Variants in GPC6 observed in about 807,000 individuals in gnomAD.
GPC6 encodes the protein glypican-6.
Under a neutral mutation model 55.2 loss-of-function variants are expected in GPC6, and 14 were observed. The ratio of observed to expected loss-of-function variants is 0.25; its 90% CI spans 0.17 to 0.40. The LOEUF (loss-of-function observed/expected upper bound fraction) is 0.40, where lower values mean the gene tolerates loss of function less well. GPC6 is among the 10% of genes least tolerant of loss of function. The probability of loss-of-function intolerance (pLI) is 1.00; values close to 1 mark genes in which losing one functional copy is unlikely to be tolerated. For missense variants in GPC6, 641 were observed against 708.5 expected, an observed-to-expected ratio of 0.90 and a Z score of 1.08; for synonymous variants, 278 against 259.6, an observed-to-expected ratio of 1.07 and a Z score of -0.68.
chr13:93,523,087 TG>T (rs1226429606), intron 1 of GPC6, among the ~76,000 whole-genome samples: 1 of 150,596 alleles, frequency 6.6e-6, no homozygotes, highest in Non-Finnish European at 1.5e-5. Flanking sequence ...GTGTGTAACA[TG>T]GTGTATGACA....
At chr13:93,626,313 G>T (rs543235068) in intron 2 of GPC6, among the ~76,000 whole-genome samples, 7 of 152,272 alleles carry the variant, frequency 4.6e-5, no homozygotes, top group South Asian at 2.1e-4. Flanking sequence ...AACCAAGTTT[G>T]GTGTCCTCCT....
At chr13:93,338,899 G>A (rs1184770947) in intron 1 of GPC6, among the ~76,000 whole-genome samples, 7 of 152,266 alleles carry the variant, frequency 4.6e-5, no homozygotes, top group East Asian at 1.9e-4. Flanking sequence ...TTGATGTGGA[G>A]GTGGTGTTGA....
chr13:93,938,187 T>C (rs1878538521), intron 3 of GPC6, among the ~76,000 whole-genome samples: 1 of 152,144 alleles, frequency 6.6e-6, no homozygotes, highest in Admixed American at 6.5e-5. Context: ...TTTTTCCTGA[T>C]AATAGTCAAA....
At chr13:93,996,053 A>G (rs1881538279) in intron 3 of GPC6, among the ~76,000 whole-genome samples, 1 of 152,238 alleles carries the variant, frequency 6.6e-6, no homozygotes, top group South Asian at 2.1e-4. Context: ...TTTAATCAAT[A>G]CATTGAAATT....
chr13:93,419,537 A>C (rs888006902), intron 1 of GPC6, among the ~76,000 whole-genome samples: 5 of 152,090 alleles, frequency 3.3e-5, no homozygotes, highest in Non-Finnish European at 4.4e-5. Flanking sequence ...TTGGAATATT[A>C]TTTGAAGTGA....
chr13:93,908,915 T>A (rs1262083622), intron 3 of GPC6, among the ~76,000 whole-genome samples: 2 of 151,672 alleles, frequency 1.3e-5, no homozygotes, highest in Admixed American at 1.3e-4. Flanking sequence ...AGAGGAGGCT[T>A]CCTGACTCTG....
chr13:93,848,140 C>G (rs1283657009), intron 3 of GPC6, among the ~76,000 whole-genome samples: 1 of 152,096 alleles, frequency 6.6e-6, no homozygotes, highest in Non-Finnish European at 1.5e-5. Context: ...AGTCAAAAAT[C>G]TTTTTGAGAG....
intron 3 of GPC6, among the ~76,000 whole-genome samples, chr13:93,912,918 T>C (rs1033385084): frequency 6.6e-6 from 1 of 152,168 alleles, no homozygotes. Flanking sequence ...TGTATCACTT[T>C]AGTCTCTACC....
At chr13:94,141,205 G>A (rs1054808838) in intron 4 of GPC6, among the ~76,000 whole-genome samples, 3 of 152,084 alleles carry the variant, frequency 2.0e-5, no homozygotes, top group Non-Finnish European at 2.9e-5. Context: ...CATTGGTATC[G>A]CCCAAAAAGG....
chr13:93,924,421 C>T lies in GPC6; in HGVS notation c.711+93876C>T, dbSNP rs572294810. ...ACCATGTTTATGGTGTTTTAACAAA[C>T]ATTTTATGCTAAGGAAAAGGAAACC... On this transcript the variant is annotated intron_variant, in intron 3 of 8. Transcript: ENST00000377047. 9.2e-5 allele frequency among the ~76,000 whole-genome samples: 14 copies of T among 152,314 alleles called. No homozygotes were observed. In the East Asian group the frequency reaches 1.7e-3, roughly 19 times the overall value.
chr13:93,667,735 G>GTTTTTT (rs71126408), intron 2 of GPC6, among the ~76,000 whole-genome samples: 2 of 123,168 alleles, frequency 1.6e-5, no homozygotes, highest in African/African-American at 7.4e-5. Flanking sequence ...GCCAGGACTT[G>GTTTTTT]TTTTTTTTTT....
intron 4 of GPC6, among the ~76,000 whole-genome samples, chr13:94,054,851 C>A (rs889255391): frequency 3.9e-5 from 6 of 152,084 alleles, no homozygotes; most frequent in African/African-American, 1.4e-4. Context: ...GCAAGTACTT[C>A]TTGTATGCTC....
chr13:93,605,673 C>T (rs1386297542), intron 2 of GPC6, among the ~76,000 whole-genome samples: 2 of 134,748 alleles, frequency 1.5e-5, no homozygotes, highest in Non-Finnish European at 3.1e-5. Flanking sequence ...CCTGTCTCTA[C>T]AAAAATGCAA....
chr13:93,650,453 C>T (rs1880359049), intron 2 of GPC6, among the ~76,000 whole-genome samples: 1 of 151,888 alleles, frequency 6.6e-6, no homozygotes, highest in South Asian at 2.1e-4. Flanking sequence ...TCACTGTAAT[C>T]ATGCTCCCCA....
intron 2 of GPC6, among the ~76,000 whole-genome samples, chr13:93,715,331 C>T (rs1438047650): frequency 5.3e-5 from 8 of 151,590 alleles, no homozygotes; most frequent in Admixed American, 5.3e-4. Flanking sequence ...GAGCTGAAGG[C>T]CATTATCCTA....
intron 1 of GPC6, among the ~76,000 whole-genome samples, chr13:93,292,852 T>C (rs1305442292): frequency 4.6e-5 from 7 of 152,230 alleles, no homozygotes; most frequent in African/African-American, 7.2e-5. Context: ...ACCAGAAGAT[T>C]TTCTAGAAAA....
chr13:93,698,010 C>T (rs934775467), intron 2 of GPC6, among the ~76,000 whole-genome samples: 1 of 152,102 alleles, frequency 6.6e-6, no homozygotes, highest in Non-Finnish European at 1.5e-5. Flanking sequence ...AATCTGATTC[C>T]TAATTGTATT....
chr13:94,192,428 T>C (rs868300760), intron 4 of GPC6, among the ~76,000 whole-genome samples: 3 of 152,138 alleles, frequency 2.0e-5, no homozygotes, highest in South Asian at 4.1e-4. Context: ...ATCAGAAAGA[T>C]GGAATGCCAA....
chr13:93,653,300 G>T (rs2139601505), intron 2 of GPC6, among the ~76,000 whole-genome samples: 2 of 152,262 alleles, frequency 1.3e-5, no homozygotes, highest in East Asian at 3.9e-4. Context: ...GCTTCTGGAA[G>T]AAATCTTGTA....
Sources: gnomAD v4.1 joint callset for allele counts (sites outside exome capture counted in the v4.1 genomes callset) on GRCh38, gnomAD v4.1.1 for gene constraint, MANE v1.5 for transcripts, NCBI Gene and HGNC (gene_info 2026-07-23, HGNC 2026-07-21) for gene names.